Variants in MCTP2 observed in about 807,000 individuals in gnomAD.
The protein encoded by MCTP2 is multiple C2 and transmembrane domain-containing protein 2.
Under a neutral mutation model 111.6 loss-of-function variants are expected in MCTP2, and 132 were observed. The observed-to-expected ratio is 1.18, with a 90% CI of 1.03 to 1.37. The LOEUF (loss-of-function observed/expected upper bound fraction) is 1.37. Ranked by LOEUF, MCTP2 falls within the 40% of genes most tolerant of loss-of-function variation. The pLI is 0.00. For synonymous variants in MCTP2, 395 were observed against 387.7 expected (o/e 1.02, Z -0.22); for missense variants, 1,183 against 1,067.9 (o/e 1.11, Z -1.50).
chr15:94,461,289 G>A (rs957391522), intron 20 of MCTP2, among the ~76,000 whole-genome samples: 8 of 151,890 alleles, frequency 5.3e-5, no homozygotes, highest in African/African-American at 7.3e-5. Flanking sequence ...GTGAAACCCC[G>A]TCTCTACTAA....
intron 19 of MCTP2, among the ~76,000 whole-genome samples, chr15:94,457,825 G>A (rs2084931884): frequency 6.6e-6 from 1 of 152,138 alleles, no homozygotes; most frequent in Non-Finnish European, 1.5e-5. Flanking sequence ...CAGACTGACG[G>A]GATTGCAGAA....
chr15:94,345,903 TC>T (rs1195692702), intron 8 of MCTP2, among the ~76,000 whole-genome samples: 1 of 152,134 alleles, frequency 6.6e-6, no homozygotes, highest in Non-Finnish European at 1.5e-5. Context: ...TTGAGACTGT[TC>T]CTTCAGTTTC....
chr15:94,345,701 G>C (rs2077940860), intron 8 of MCTP2, among the ~76,000 whole-genome samples: 1 of 152,074 alleles, frequency 6.6e-6, no homozygotes, highest in African/African-American at 2.4e-5. Flanking sequence ...ATTTATAAAA[G>C]GCGCAAGAAT....
At position 94,382,224 on chromosome 15, in the gene MCTP2, G is replaced by A. The variant is rs1346584356; in HGVS notation, c.1583-1798G>A. Among the ~76,000 whole-genome samples the A allele has an allele frequency of 3.9e-5, 6 of 152,172 alleles. No individual in the cohort carries two copies. The East Asian group carries it at 9.6e-4, about 24-fold the overall frequency. On this transcript the variant is annotated intron_variant, in intron 12 of 22. Transcript: ENST00000357742. ...CAGACTTTTCCTGGTATGAGATATG[G>A]GCTGAGTTTCTTGTGCTTAAGTATT...
At chr15:94,402,763 C>T (rs767673841) in intron 17 of MCTP2, 44 of 1,422,522 alleles carry the variant, frequency 3.1e-5, no homozygotes, top group East Asian at 2.5e-4. Context: ...TCAAGTCTCC[C>T]GACTGCAAAT....
chr15:94,459,422 C>T (rs1285269402), intron 20 of MCTP2, among the ~76,000 whole-genome samples: 2 of 151,874 alleles, frequency 1.3e-5, no homozygotes, highest in African/African-American at 4.8e-5. Flanking sequence ...ATGACATTGC[C>T]CTCGAATGCC....
At chr15:94,245,037 T>C (rs1324417666) in intron 1 of MCTP2, among the ~76,000 whole-genome samples, 1 of 142,754 alleles carries the variant, frequency 7.0e-6, no homozygotes, top group Admixed American at 6.8e-5. Context: ...TATGTTTATA[T>C]ACGTATATGT....
intron 1 of MCTP2, among the ~76,000 whole-genome samples, chr15:94,239,432 T>C (rs2070783646): frequency 6.6e-6 from 1 of 152,198 alleles, no homozygotes; most frequent in Admixed American, 6.5e-5. Flanking sequence ...TTGGGTAGAA[T>C]CTGTCCTGAG....
At chr15:94,290,510 A>C (rs1349349448) in intron 1 of MCTP2, among the ~76,000 whole-genome samples, 2 of 152,214 alleles carry the variant, frequency 1.3e-5, no homozygotes, top group Admixed American at 1.3e-4. Context: ...TGAAAAACAG[A>C]ACAAGAAGGA....
chr15:94,448,598 G>A (rs1363337582), intron 19 of MCTP2, among the ~76,000 whole-genome samples: 1 of 152,158 alleles, frequency 6.6e-6, no homozygotes, highest in South Asian at 2.1e-4. Context: ...TGATCAGCCA[G>A]CATGATGCAC....
intron 1 of MCTP2, among the ~76,000 whole-genome samples, chr15:94,297,790 G>T (rs78229979): frequency 0.029 from 4,456 of 152,284 alleles, 202 homozygotes; most frequent in African/African-American, 0.099. Context: ...GAGACTGTTT[G>T]TTGACCTCCG....
intron 11 of MCTP2, among the ~76,000 whole-genome samples, chr15:94,368,037 G>A (rs541571001): frequency 6.6e-4 from 101 of 152,324 alleles, no homozygotes; most frequent in African/African-American, 2.1e-3. Context: ...AATTTTTAGC[G>A]TTTAGCAAGT....
chr15:94,458,070 ATAT>A (rs2084947803), intron 19 of MCTP2, 64 bp from the exon 20 acceptor site: 1 of 858,614 alleles, frequency 1.2e-6, no homozygotes, highest in Non-Finnish European at 2.0e-6. Flanking sequence ...ACATGTTATA[ATAT>A]TTTCTGTATC....
At chr15:94,310,477 A>G (rs2076073713) in intron 2 of MCTP2, among the ~76,000 whole-genome samples, 1 of 152,012 alleles carries the variant, frequency 6.6e-6, no homozygotes, top group South Asian at 2.1e-4. Flanking sequence ...CAGTGTGTTA[A>G]TTTTTTTAAG....
Position 94,299,488 on chromosome 15 carries a change from C to T in MCTP2, c.465+758C>T, listed in dbSNP as rs2075496132. ...GTGTGTGCACTCGCCTGTGAACAAG[C>T]ATTCTTTTAAAAAGTTAACAAAACT... On this transcript the variant is annotated intron_variant, in intron 2 of 22. Coordinates refer to ENST00000357742, the MANE Select transcript of MCTP2 (RefSeq NM_001385001.1). 2.0e-5 allele frequency among the ~76,000 whole-genome samples: 3 copies of T among 152,228 alleles called. No homozygotes were observed. In the South Asian group the frequency reaches 6.2e-4, roughly 32 times the overall value.
intron 8 of MCTP2, among the ~76,000 whole-genome samples, chr15:94,349,017 A>G (rs928483021): frequency 1.3e-5 from 2 of 151,902 alleles, no homozygotes; most frequent in South Asian, 2.1e-4. Flanking sequence ...TAGCTCATCT[A>G]TCTAATTTAT....
At chr15:94,451,290 AAAAAAAAC>A (rs1350392262) in intron 19 of MCTP2, among the ~76,000 whole-genome samples, 1 of 151,970 alleles carries the variant, frequency 6.6e-6, no homozygotes, top group Admixed American at 6.6e-5. Flanking sequence ...TTGTGTGTTT[AAAAAAAAC>A]AAGGAAACCT....
intron 13 of MCTP2, among the ~76,000 whole-genome samples, chr15:94,384,450 A>G (rs2080338219): frequency 6.6e-6 from 1 of 152,116 alleles, no homozygotes; most frequent in Non-Finnish European, 1.5e-5. Context: ...AAATTCAGTG[A>G]TCTTATGTGT....
chr15:94,325,841 G>A (rs1454791535), intron 4 of MCTP2, among the ~76,000 whole-genome samples: 2 of 87,332 alleles, frequency 2.3e-5, no homozygotes, highest in African/African-American at 1.5e-4. Flanking sequence ...TTTTTTTTGA[G>A]ACGGAGTCTT....
Sources: gnomAD v4.1 joint callset for allele counts (sites outside exome capture counted in the v4.1 genomes callset) on GRCh38, gnomAD v4.1.1 for gene constraint, MANE v1.5 for transcripts, NCBI Gene and HGNC (gene_info 2026-07-23, HGNC 2026-07-21) for gene names.